NFX1: variants seen among roughly 807,000 people sequenced by gnomAD.
NFX1 encodes the protein nuclear transcription factor, X-box binding 1, also known as transcriptional repressor NF-X1.
Under a neutral mutation model 137.2 loss-of-function variants are expected in NFX1, and 69 were observed. The observed-to-expected ratio is 0.50, with a 90% CI of 0.41 to 0.61. The LOEUF is 0.61. Among genes scored for constraint, NFX1 ranks in the 20% least tolerant of loss-of-function variants. NFX1 has a pLI of 0.00. For missense variants in NFX1, 1,167 were observed against 1,391.0 expected (o/e 0.84, Z 2.56); for synonymous variants, 495 against 474.1 (o/e 1.04, Z -0.57).
At chr9:33,302,365 T>C (rs1821601341) in intron 3 of NFX1, among the ~76,000 whole-genome samples, 1 of 146,838 alleles carries the variant, frequency 6.8e-6, no homozygotes, top group Non-Finnish European at 1.5e-5. Flanking sequence ...GTATTTTTTT[T>C]TTTTTTTTTT....
chr9:33,368,117 C>G (rs1294277438), intron 23 of NFX1, among the ~76,000 whole-genome samples: 1 of 152,070 alleles, frequency 6.6e-6, no homozygotes, highest in Non-Finnish European at 1.5e-5. Flanking sequence ...CACCTGTAAA[C>G]ACAGCTACTT....
chr9:33,354,851 G>C lies in NFX1; in HGVS notation c.2832G>C (p.Arg944Ser). ...AATTTTTTTTCATTTGCTTATCAAG[G>C]CTGGAGTGTGATGAGGAGTGTTCAG... ...LITKKEVHQARLECDEECSAL... is the reference protein window; with the variant it reads ...LITKKEVHQASLECDEECSAL... The change falls in exon 19 of 24, where the codon AGG (arginine) becomes AGC (serine). Residue 944 changes from arginine (R) to serine (S), a missense_variant and splice_region_variant. Physicochemically the swap from Arg to Ser is moderately radical, Grantham distance 110. Transcript: ENST00000379540. The C allele has an allele frequency of 6.2e-7, 1 of 1,613,592 alleles. No individual in the cohort carries two copies. Among genetic ancestry groups the C allele is most frequent in the Non-Finnish European group, 8.5e-7 (1 of 1,179,808 alleles).
chr9:33,303,203 GT>G lies in NFX1; in HGVS notation c.1207del (p.Trp403GlyfsTer24). On this transcript the variant is annotated frameshift_variant, in exon 4 of 24. Coordinates refer to ENST00000379540, the MANE Select transcript of NFX1 (RefSeq NM_002504.6). LOFTEE classifies it high-confidence loss of function. ...TTTTTCCTGACAGATGGCCAGAGTGGTTGGAGGTGCCCTGCCTGTCAGAATG... is the reference window on the plus strand; with the variant it reads ...TTTTTCCTGACAGATGGCCAGAGTGGTGGAGGTGCCCTGCCTGTCAGAATG... ...SPASQADGQS[G>X]WRCPACQNVS... The G allele has an allele frequency of 2.5e-6, 4 of 1,614,072 alleles. No homozygotes were observed. The highest frequency in any genetic ancestry group is 3.4e-6 in the Non-Finnish European group (4 of 1,179,988).
Position 33,351,556 on chromosome 9 carries a change from C to T in NFX1, c.2425-4C>T. Reference sequence around the variant, plus strand: ...GAGAATCTGGCTACTTCTGTCTCTCCTAGTTTCGGAGCAACATCCCCTGTC... The same window carrying T: ...GAGAATCTGGCTACTTCTGTCTCTCTTAGTTTCGGAGCAACATCCCCTGTC... On this transcript the variant is annotated splice_region_variant and splice_polypyrimidine_tract_variant and intron_variant, in intron 15 of 23. Coordinates refer to ENST00000379540, the MANE Select transcript of NFX1 (RefSeq NM_002504.6). 6.2e-7 allele frequency: 1 copy of T among 1,614,010 alleles called. No individual in the cohort carries two copies. The highest frequency in any genetic ancestry group is 8.5e-7 in the Non-Finnish European group (1 of 1,179,872).
intron 12 of NFX1, among the ~76,000 whole-genome samples, chr9:33,340,553 T>C (rs1366842779): frequency 6.6e-6 from 1 of 152,238 alleles, no homozygotes; most frequent in Non-Finnish European, 1.5e-5. Flanking sequence ...TACATTTGGC[T>C]CCTTGTCACT....
intron 9 of NFX1, among the ~76,000 whole-genome samples, chr9:33,324,148 G>A (rs1420835022): frequency 3.3e-5 from 5 of 152,112 alleles, no homozygotes; most frequent in Admixed American, 2.0e-4. Flanking sequence ...GGAGGCTGAG[G>A]CAGGCAGATC....
chr9:33,361,612 A>C (rs550210364), intron 19 of NFX1, among the ~76,000 whole-genome samples: 1 of 151,968 alleles, frequency 6.6e-6, no homozygotes, highest in Non-Finnish European at 1.5e-5. Context: ...ATCTCTACTA[A>C]AGATACAAAA....
intron 4 of NFX1, among the ~76,000 whole-genome samples, chr9:33,306,898 T>C (rs1293933169): frequency 6.6e-6 from 1 of 152,200 alleles, no homozygotes; most frequent in Non-Finnish European, 1.5e-5. Flanking sequence ...GTCTTATAGG[T>C]ATTTATCTTA....
At position 33,303,244 on chromosome 9, in the gene NFX1, C is replaced by T; in HGVS notation, c.1246C>T (p.Pro416Ser). 6.2e-7 allele frequency: 1 copy of T among 1,614,044 alleles called. No individual in the cohort carries two copies. The highest frequency in any genetic ancestry group is 1.7e-5 in the Admixed American group (1 of 60,006). ...PACQNVSAHV[P>S]NTYTCFCGKV... ...CTGTCAGAATGTTTCTGCACATGTT[C>T]CTAATACCTACACTTGTTTCTGTGG... The change falls in exon 4 of 24, where the codon CCT (proline) becomes TCT (serine). Residue 416 changes from proline to serine, a missense_variant. Coordinates refer to ENST00000379540, the MANE Select transcript of NFX1 (RefSeq NM_002504.6).
At position 33,294,832 on chromosome 9, in the gene NFX1, CAGAG is replaced by C; in HGVS notation, c.441_444del (p.Arg147SerfsTer177). ...CCAGATCAGAGAGTGGGACAGACCTCAGAGAGCATAGTCCTTCTGAGAGTGAGAA... is the reference window on the plus strand; with the variant it reads ...CCAGATCAGAGAGTGGGACAGACCTCAGCATAGTCCTTCTGAGAGTGAGAA... On this transcript the variant is annotated frameshift_variant, in exon 2 of 24. Coordinates refer to ENST00000379540, the MANE Select transcript of NFX1 (RefSeq NM_002504.6). LOFTEE classifies it high-confidence loss of function. 6.2e-7 allele frequency: 1 copy of C among 1,614,116 alleles called. No homozygotes were observed. Among genetic ancestry groups the C allele is most frequent in the Non-Finnish European group, 8.5e-7 (1 of 1,180,038 alleles).
chr9:33,297,084 G>T (rs959518199), intron 2 of NFX1, among the ~76,000 whole-genome samples: 5 of 152,134 alleles, frequency 3.3e-5, no homozygotes, highest in African/African-American at 9.7e-5. Context: ...ATCCTCCGGA[G>T]CAGCATAGTA....
chr9:33,294,919 A>T lies in NFX1; in HGVS notation c.525A>T (p.Val175=), dbSNP rs1394356976. Residue 175 remains valine (V), a synonymous_variant, in exon 2 of 24, where the codon GTA becomes GTT. Transcript: ENST00000379540. The part of the protein sequence containing the change: ...GAKPKKATQF[V]YSYGRGPKVK... ...AACCCAAAAAAGCAACACAGTTTGTATACAGCTATGGTAGAGGACCAAAAG... is the reference window on the plus strand; with the variant it reads ...AACCCAAAAAAGCAACACAGTTTGTTTACAGCTATGGTAGAGGACCAAAAG... 1 of 1,614,164 alleles carries T rather than the reference A, an allele frequency of 6.2e-7. No homozygotes were observed. The highest frequency in any genetic ancestry group is 1.3e-5 in the African/African-American group (1 of 75,042).
chr9:33,367,192 T>A (rs1824193826), intron 22 of NFX1, among the ~76,000 whole-genome samples: 1 of 152,160 alleles, frequency 6.6e-6, no homozygotes, highest in African/African-American at 2.4e-5. Flanking sequence ...GTGAATGGTG[T>A]TTTTGCCATC....
At chr9:33,297,620 G>A (rs1320216553) in intron 2 of NFX1, among the ~76,000 whole-genome samples, 6 of 152,218 alleles carry the variant, frequency 3.9e-5, no homozygotes, top group Non-Finnish European at 8.8e-5. Context: ...TTCAGTCACT[G>A]GTTGTTGGTA....
intron 9 of NFX1, among the ~76,000 whole-genome samples, chr9:33,327,011 T>C (rs1291392316): frequency 6.6e-6 from 1 of 151,822 alleles, no homozygotes; most frequent in Non-Finnish European, 1.5e-5. Context: ...AAAAATATAA[T>C]TAAGGGAATT....
intron 23 of NFX1, among the ~76,000 whole-genome samples, chr9:33,369,012 CT>C (rs1277541883): frequency 6.6e-6 from 1 of 152,168 alleles, no homozygotes; most frequent in Non-Finnish European, 1.5e-5. Context: ...TCCAGTCCTG[CT>C]TAGACACAAC....
At chr9:33,364,669 C>T (rs1448707324) in intron 20 of NFX1, 39 bp from the exon 21 acceptor site, 1 of 1,597,274 alleles carries the variant, frequency 6.3e-7, no homozygotes, top group Non-Finnish European at 8.5e-7. Context: ...CTCAGAAGGG[C>T]AGGGACAGAC....
chr9:33,319,897 G>A (rs1409116521), intron 9 of NFX1, among the ~76,000 whole-genome samples: 1 of 152,022 alleles, frequency 6.6e-6, no homozygotes, highest in East Asian at 1.9e-4. Flanking sequence ...TTCCCATCTA[G>A]CTGAGGATAC....
chr9:33,290,548 C>A lies in NFX1; in HGVS notation c.-25C>A. The A allele has an allele frequency of 6.2e-7, 1 of 1,613,990 alleles. No individual in the cohort carries two copies. The highest frequency in any genetic ancestry group is 8.5e-7 in the Non-Finnish European group (1 of 1,179,940). ...TGACAGTGCTGACTTGGCTGTACAG[C>A]TCGATCTAGGTTCTGCGGCACGGGA... On this transcript the variant is annotated 5_prime_UTR_variant, in exon 1 of 24. Coordinates refer to ENST00000379540, the MANE Select transcript of NFX1 (RefSeq NM_002504.6).
Sources: allele counts gnomAD v4.1 joint callset (sites outside exome capture counted in the v4.1 genomes callset), GRCh38; gene constraint gnomAD v4.1.1; transcripts MANE v1.5; gene names NCBI Gene and HGNC (gene_info 2026-07-23, HGNC 2026-07-21).